The following SLC39A11 variants were observed in gnomAD, a reference collection of about 807,000 sequenced individuals.
SLC39A11 encodes zinc transporter ZIP11.
A neutral mutation model predicts 36.1 loss-of-function variants in SLC39A11; 33 were observed. The ratio of observed to expected loss-of-function variants is 0.91; its 90% CI spans 0.69 to 1.22. The LOEUF (loss-of-function observed/expected upper bound fraction) is 1.22. Ranked by LOEUF, SLC39A11 falls within the 50% of genes most tolerant of loss-of-function variation. The probability of loss-of-function intolerance (pLI) is 0.00; values close to 1 mark genes in which losing one functional copy is unlikely to be tolerated. For synonymous variants in SLC39A11, 166 were observed against 170.3 expected (o/e 0.97, Z 0.20); for missense variants, 432 against 430.3 (o/e 1.00, Z -0.03).
intron 4 of SLC39A11, among the ~76,000 whole-genome samples, chr17:72,963,538 ACT>A (rs1027627509): frequency 6.8e-6 from 1 of 148,034 alleles, no homozygotes; most frequent in Non-Finnish European, 1.5e-5. Flanking sequence ...TTTAGAAAAA[ACT>A]CTCTCCCTGA....
intron 7 of SLC39A11, among the ~76,000 whole-genome samples, chr17:72,651,065 GGAA>G (rs1190653227): frequency 6.6e-6 from 1 of 152,192 alleles, no homozygotes; most frequent in East Asian, 1.9e-4. Context: ...AGATACCTCA[GGAA>G]GAAGTAGCCC....
chr17:72,867,137 G>C lies in SLC39A11; in HGVS notation c.431-17333C>G, dbSNP rs570407390. 2.6e-5 allele frequency among the ~76,000 whole-genome samples: 4 copies of C among 152,310 alleles called. No individual in the cohort carries two copies. The South Asian group carries it at 6.2e-4, about 24-fold the overall frequency. ...AAAGCATTCTAAGGTCCTCTGATTG[G>C]TAGGGAGGAGGGGAGAGATGCAGAT... is the stretch of plus-strand genomic sequence containing the variant. On this transcript the variant is annotated intron_variant, in intron 5 of 9. Transcript: ENST00000255559.
intron 4 of SLC39A11, among the ~76,000 whole-genome samples, chr17:73,024,422 TAG>T (rs143258972): frequency 0.061 from 9,266 of 152,280 alleles, 947 homozygotes; most frequent in African/African-American, 0.21. Flanking sequence ...AGGCTTATTG[TAG>T]AGACTCTCAG....
chr17:73,084,267 A>G (rs992393206), intron 3 of SLC39A11, among the ~76,000 whole-genome samples: 18 of 152,002 alleles, frequency 1.2e-4, no homozygotes, highest in Admixed American at 1.1e-3. Context: ...GTGAAACCCC[A>G]TCTCTGCAAA....
chr17:73,054,609 A>G lies in SLC39A11; in HGVS notation c.148-22895T>C, dbSNP rs539760203. Among the ~76,000 whole-genome samples, 7 of 152,058 alleles carry G rather than the reference A, an allele frequency of 4.6e-5. No individual in the cohort carries two copies. In the South Asian group the frequency reaches 1.5e-3, roughly 32 times the overall value. ...GATCACTTGAGGTCAGGAGTTCGAA[A>G]CTGGCCTGGCCAACATGGTGAAACC... On this transcript the variant is annotated intron_variant, in intron 3 of 9. Coordinates refer to ENST00000255559, the MANE Select transcript of SLC39A11 (RefSeq NM_139177.4).
rs141084735 is a variant in SLC39A11 at position 72,887,606 on chromosome 17, G to A, written c.431-37802C>T. On this transcript the variant is annotated intron_variant, in intron 5 of 9. Transcript: ENST00000255559. ...AGCCATGCTATAATTTTCTGTTTAG[G>A]TAACATCTTATTTGCATTCTGAAAC... Among the ~76,000 whole-genome samples, 29 of 152,296 alleles carry A rather than the reference G, an allele frequency of 1.9e-4. No homozygotes were observed. In the East Asian group the frequency reaches 5.6e-3, roughly 29 times the overall value.
chr17:72,692,804 T>C (rs1387950216), intron 7 of SLC39A11, among the ~76,000 whole-genome samples: 3 of 152,052 alleles, frequency 2.0e-5, no homozygotes, highest in Non-Finnish European at 4.4e-5. Flanking sequence ...ACAGGACAAC[T>C]TGGGACTGGA....
chr17:73,010,902 C>T (rs955448281), intron 4 of SLC39A11, among the ~76,000 whole-genome samples: 2 of 152,186 alleles, frequency 1.3e-5, no homozygotes, highest in Admixed American at 1.3e-4. Flanking sequence ...CGTAAGGAAG[C>T]GTTTTCCTAA....
At chr17:72,909,298 A>T (rs999200219) in intron 5 of SLC39A11, among the ~76,000 whole-genome samples, 19 of 152,222 alleles carry the variant, frequency 1.2e-4, no homozygotes, top group Non-Finnish European at 1.8e-4. Context: ...CTGGTCCAGT[A>T]GGTATGAAGA....
intron 7 of SLC39A11, among the ~76,000 whole-genome samples, chr17:72,710,487 A>G (rs1422012732): frequency 6.6e-6 from 1 of 152,166 alleles, no homozygotes; most frequent in Non-Finnish European, 1.5e-5. Context: ...GGAACACCCA[A>G]GTCTTTTTTG....
At chr17:72,967,399 A>AGAGAGAGAGAGAGAGAGAGTGT (rs143987646) in intron 4 of SLC39A11, among the ~76,000 whole-genome samples, 15 of 138,274 alleles carry the variant, frequency 1.1e-4, no homozygotes, top group African/African-American at 4.2e-4. Context: ...AGAGAGAGAG[A>AGAGAGAGAGAGAGAGAGAGTGT]GTGTGTGTGT....
At chr17:72,918,075 C>T (rs936833258) in intron 5 of SLC39A11, among the ~76,000 whole-genome samples, 4 of 152,222 alleles carry the variant, frequency 2.6e-5, no homozygotes, top group African/African-American at 9.6e-5. Flanking sequence ...TGCTTATTAT[C>T]TCTCCTCTAC....
rs552910140 is a variant in SLC39A11, at chr17:72,979,962, C to T, written c.307-32087G>A. ...CCCAAAATGGTGCATCCTTCTCCCA[C>T]GACTTGCTGCTGGATCCACTGATTC... On this transcript the variant is annotated intron_variant, in intron 4 of 9. Coordinates refer to ENST00000255559, the MANE Select transcript of SLC39A11 (RefSeq NM_139177.4). Among the ~76,000 whole-genome samples the T allele has an allele frequency of 4.3e-4, 65 of 152,234 alleles. 1 individual carries two copies. The South Asian group carries it at 0.012, about 28-fold the overall frequency.
chr17:72,995,706 T>C (rs1229704293), intron 4 of SLC39A11, among the ~76,000 whole-genome samples: 2 of 152,214 alleles, frequency 1.3e-5, no homozygotes, highest in Non-Finnish European at 2.9e-5. Flanking sequence ...CTATCAAATT[T>C]AGACTGAATG....
chr17:72,707,475 T>C (rs17182665), intron 7 of SLC39A11, among the ~76,000 whole-genome samples: 7,261 of 152,266 alleles, frequency 0.048, 186 homozygotes, highest in East Asian at 0.066. Flanking sequence ...ACTGACACAA[T>C]GTGGACCTGT....
intron 5 of SLC39A11, among the ~76,000 whole-genome samples, chr17:72,937,266 C>A (rs1598485202): frequency 6.6e-6 from 1 of 152,048 alleles, no homozygotes; most frequent in African/African-American, 2.4e-5. Flanking sequence ...CATGGTGAAA[C>A]CACCCCCCTC....
chr17:72,953,780 T>C (rs935597451), intron 4 of SLC39A11, among the ~76,000 whole-genome samples: 5 of 152,218 alleles, frequency 3.3e-5, no homozygotes, highest in African/African-American at 1.2e-4. Context: ...TTAAGTCCCA[T>C]CACCTCCTTT....
At chr17:73,048,760 A>G (rs1263510040) in intron 3 of SLC39A11, among the ~76,000 whole-genome samples, 1 of 152,218 alleles carries the variant, frequency 6.6e-6, no homozygotes, top group Non-Finnish European at 1.5e-5. Context: ...AAACTGGCCT[A>G]CAAGCGGATA....
At chr17:72,676,457 A>G (rs2071266605) in intron 7 of SLC39A11, among the ~76,000 whole-genome samples, 1 of 152,132 alleles carries the variant, frequency 6.6e-6, no homozygotes, top group African/African-American at 2.4e-5. Context: ...AAGTAGATGA[A>G]ATTAGCACAT....
Sources: gnomAD v4.1 joint callset for allele counts (sites outside exome capture counted in the v4.1 genomes callset) on GRCh38, gnomAD v4.1.1 for gene constraint, MANE v1.5 for transcripts, NCBI Gene and HGNC (gene_info 2026-07-23, HGNC 2026-07-21) for gene names.